Variants in GHR observed in about 807,000 individuals in gnomAD.
GHR encodes GH receptor.
GHR carries 35 observed loss-of-function variants against 67.1 expected under a neutral mutation model. The observed-to-expected ratio is 0.52, with a 90% confidence interval of 0.40 to 0.69. The LOEUF is 0.69. Ranked by LOEUF, GHR falls within the 30% of genes least tolerant of loss-of-function variation. The pLI is 0.00. For synonymous variants in GHR, 272 were observed against 269.1 expected, an observed-to-expected ratio of 1.01 and a Z score of -0.10; for missense variants, 792 against 764.6, an observed-to-expected ratio of 1.04 and a Z score of -0.42.
chr5:42,498,020 T>C (rs1746391117), intron 1 of GHR, among the ~76,000 whole-genome samples: 1 of 152,152 alleles, frequency 6.6e-6, no homozygotes, highest in African/African-American at 2.4e-5. Context: ...TGGAAGTGGG[T>C]TAATATTTTG....
At chr5:42,697,631 C>T (rs1757742601) in intron 5 of GHR, among the ~76,000 whole-genome samples, 2 of 152,110 alleles carry the variant, frequency 1.3e-5, no homozygotes, top group African/African-American at 2.4e-5. Flanking sequence ...GGAGTGGGCA[C>T]AGAGTGAGCG....
intron 6 of GHR, among the ~76,000 whole-genome samples, chr5:42,700,432 A>G (rs370576083): frequency 6.6e-6 from 1 of 152,162 alleles, no homozygotes; most frequent in Non-Finnish European, 1.5e-5. Context: ...GTCTATAGGA[A>G]AACAGAGGGA....
chr5:42,433,732 ATTTTTTTT>A (rs35539827), intron 1 of GHR, among the ~76,000 whole-genome samples: 6 of 77,604 alleles, frequency 7.7e-5, no homozygotes, highest in East Asian at 7.2e-4. Flanking sequence ...AAGATATGGT[ATTTTTTTT>A]TTTTTTTTTT....
chr5:42,679,130 A>T (rs919524151), intron 3 of GHR, among the ~76,000 whole-genome samples: 15 of 139,904 alleles, frequency 1.1e-4, no homozygotes, highest in African/African-American at 1.8e-4. Flanking sequence ...ATTATATATT[A>T]ATTAATATAT....
At chr5:42,589,109 C>A (rs1751644787) in intron 2 of GHR, among the ~76,000 whole-genome samples, 1 of 152,150 alleles carries the variant, frequency 6.6e-6, no homozygotes, top group South Asian at 2.1e-4. Context: ...TGTTTCCTTT[C>A]TGGGCTCATA....
chr5:42,497,675 T>G (rs2112219295), intron 1 of GHR, among the ~76,000 whole-genome samples: 1 of 152,344 alleles, frequency 6.6e-6, no homozygotes, highest in South Asian at 2.1e-4. Context: ...GAATATTTAC[T>G]ATCTGACTCT....
chr5:42,548,098 C>G (rs1184140314), intron 1 of GHR: 1 of 985,294 alleles, frequency 1.0e-6, no homozygotes, highest in African/African-American at 1.7e-5. Flanking sequence ...GAGACTCCAG[C>G]CTAGGCCTGG....
At chr5:42,709,153 C>G (rs1039282688) in intron 6 of GHR, among the ~76,000 whole-genome samples, 2 of 151,964 alleles carry the variant, frequency 1.3e-5, no homozygotes, top group African/African-American at 2.4e-5. Context: ...TTTTCTCCCC[C>G]CCACAGGATC....
At chr5:42,452,644 T>C (rs1237301276) in intron 1 of GHR, among the ~76,000 whole-genome samples, 2 of 152,158 alleles carry the variant, frequency 1.3e-5, no homozygotes, top group East Asian at 3.9e-4. Context: ...GTCTTATCTT[T>C]GAGCTCTGAA....
chr5:42,533,797 AC>A (rs1748084399), intron 1 of GHR, among the ~76,000 whole-genome samples: 4 of 151,820 alleles, frequency 2.6e-5, no homozygotes, highest in Admixed American at 2.6e-4. Flanking sequence ...TATACACTGC[AC>A]CATATTTGTT....
chr5:42,434,995 C>A (rs1743259404), intron 1 of GHR, among the ~76,000 whole-genome samples: 1 of 151,920 alleles, frequency 6.6e-6, no homozygotes, highest in Non-Finnish European at 1.5e-5. Context: ...GCTTTATCTG[C>A]AAAAAAACAG....
intron 1 of GHR, among the ~76,000 whole-genome samples, chr5:42,475,578 G>C (rs1309637330): frequency 6.7e-6 from 1 of 149,808 alleles, no homozygotes; most frequent in Non-Finnish European, 1.5e-5. Flanking sequence ...TTTTGTATTT[G>C]TAATTATGTA....
rs115713014 is a variant in GHR at position 42,596,501 on chromosome 5, G to A, written c.70+30557G>A. ...CTTTTCACACTGTAGGGCAGCACACGAATAGTCCTGGAGCACCAGGGCCCT... is the reference window on the plus strand; with the variant it reads ...CTTTTCACACTGTAGGGCAGCACACAAATAGTCCTGGAGCACCAGGGCCCT... On this transcript the variant is annotated intron_variant, in intron 2 of 9. Transcript: ENST00000230882. Among the ~76,000 whole-genome samples, 457 of 152,276 alleles carry A rather than the reference G, an allele frequency of 3.0e-3. 2 individuals are homozygous for A. Among genetic ancestry groups the A allele is most frequent in the African/African-American group, 0.011 (438 of 41,566 alleles).
At chr5:42,679,067 A>G (rs926252768) in intron 3 of GHR, among the ~76,000 whole-genome samples, 1 of 145,548 alleles carries the variant, frequency 6.9e-6, no homozygotes, top group African/African-American at 2.5e-5. Context: ...CAATATATTA[A>G]TTAGTAATAT....
Position 42,695,018 on chromosome 5 carries a change from T to C in GHR, c.368T>C (p.Ile123Thr). Residue 123 changes from isoleucine (I) to threonine (T), a missense_variant, in exon 5 of 10, where the codon ATA (isoleucine) becomes ACA (threonine). Physicochemically the swap from Ile to Thr is moderately conservative, Grantham distance 89. Transcript: ENST00000230882. The part of the protein sequence containing the change: ...YFNSSFTSIW[I>T]PYCIKLTSNG... ...AATTCATCGTTTACCTCCATCTGGA[T>C]ACCTTATTGTATCAAGCTAACTAGC... The C allele has an allele frequency of 6.2e-7, 1 of 1,609,874 alleles. No individual in the cohort carries two copies. Among genetic ancestry groups the C allele is most frequent in the Non-Finnish European group, 8.5e-7 (1 of 1,176,118 alleles).
In GHR at chr5:42,691,146, A is replaced by C. The variant is rs576558631; in HGVS notation, c.266+2127A>C. ...TCTCTGGTTCAAATCCAGGATCTAC[A>C]CTACCAAGGATGCTGCTGAAAGTGT... is the stretch of plus-strand genomic sequence containing the variant. On this transcript the variant is annotated intron_variant, in intron 4 of 9. Coordinates refer to ENST00000230882, the MANE Select transcript of GHR (RefSeq NM_000163.5). Among the ~76,000 whole-genome samples, 7 of 152,298 alleles carry C rather than the reference A, an allele frequency of 4.6e-5. No homozygotes were observed. The East Asian group carries it at 7.7e-4, about 17-fold the overall frequency.
intron 4 of GHR, among the ~76,000 whole-genome samples, chr5:42,693,777 G>A (rs776724721): frequency 3.9e-5 from 6 of 152,130 alleles, no homozygotes; most frequent in Admixed American, 1.3e-4. Context: ...AGCCACAGGC[G>A]CCTCTGCCTG....
chr5:42,507,911 G>A (rs542105875), intron 1 of GHR, among the ~76,000 whole-genome samples: 1 of 152,312 alleles, frequency 6.6e-6, no homozygotes, highest in East Asian at 1.9e-4. Context: ...ATTGAGCCTG[G>A]AGAGTCAGCC....
chr5:42,600,837 A>T (rs1042673353), intron 2 of GHR, among the ~76,000 whole-genome samples: 11 of 151,668 alleles, frequency 7.3e-5, no homozygotes, highest in Admixed American at 2.6e-4. Context: ...CATTAAAAAA[A>T]TTCTTTTTAT....
Sources: gnomAD v4.1 joint callset for allele counts (sites outside exome capture counted in the v4.1 genomes callset) on GRCh38, gnomAD v4.1.1 for gene constraint, MANE v1.5 for transcripts, NCBI Gene and HGNC (gene_info 2026-07-23, HGNC 2026-07-21) for gene names.